ALDH3A1: variants seen among roughly 807,000 people sequenced by gnomAD.
The protein encoded by ALDH3A1 is aldehyde dehydrogenase, dimeric NADP-preferring.
A neutral mutation model predicts 49.9 loss-of-function variants in ALDH3A1; 46 were observed. That is an observed-to-expected ratio of 0.92 (90% CI 0.73 to 1.18). ALDH3A1 has a LOEUF of 1.18. Among genes scored for constraint, ALDH3A1 ranks in the 50% most tolerant of loss-of-function variants. The pLI is 0.00. For missense variants in ALDH3A1, 592 were observed against 611.8 expected, an observed-to-expected ratio of 0.97 and a Z score of 0.34; for synonymous variants, 269 against 253.3, an observed-to-expected ratio of 1.06 and a Z score of -0.59.
Position 19,740,430 on chromosome 17 carries a change from G to A in ALDH3A1, c.855C>T (p.Ile285=). Residue 285 remains isoleucine (I), a synonymous_variant, in exon 7 of 11, where the codon ATC becomes ATT. Coordinates refer to ENST00000225740, the MANE Select transcript of ALDH3A1 (RefSeq NM_000691.5). ...DAKKSRDYGR[I]ISARHFQRVM... is the part of the protein sequence containing the mutation. The stretch of plus-strand genomic sequence containing the variant: ...CCCTCTGGAAGTGCCGGGCACTAAT[G>A]ATTCTTCCATAGTCCCGGGATTTCT... 2 of 1,614,138 alleles carry A rather than the reference G, an allele frequency of 1.2e-6. No homozygotes were observed. The highest frequency in any genetic ancestry group is 1.7e-6 in the Non-Finnish European group (2 of 1,180,022).
At chr17:19,741,539 G>A (rs1297564560) in intron 5 of ALDH3A1, among the ~76,000 whole-genome samples, 2 of 152,208 alleles carry the variant, frequency 1.3e-5, no homozygotes, top group Non-Finnish European at 2.9e-5. Flanking sequence ...TGTGGGATAT[G>A]GAGGTGGTCA....
At chr17:19,741,417 T>C (rs1370126679) in intron 5 of ALDH3A1, 5 of 517,420 alleles carry the variant, frequency 9.7e-6, no homozygotes, top group African/African-American at 9.6e-5. Context: ...TGGTGGGGAA[T>C]TTCTAGAGGA....
Position 19,739,647 on chromosome 17 carries a change from G to C in ALDH3A1, c.977C>G (p.Pro326Arg). ...IAPTILTDVD[P>R]QSPVMQEEIF... Reference sequence around the variant, plus strand: ...CTCCTCTTGCATCACCGGGGACTGGGGGTCCACGTCCGTGAGGATGGTGGG... The same window carrying C: ...CTCCTCTTGCATCACCGGGGACTGGCGGTCCACGTCCGTGAGGATGGTGGG... The change falls in exon 8 of 11, where the codon CCC (proline) becomes CGC (arginine). Residue 326 changes from proline (P) to arginine (R), a missense_variant. By Grantham distance (103) the Pro-to-Arg change is moderately radical. Transcript: ENST00000225740. 6.2e-7 allele frequency: 1 copy of C among 1,613,876 alleles called. No individual in the cohort carries two copies. The highest frequency in any genetic ancestry group is 8.5e-7 in the Non-Finnish European group (1 of 1,179,926).
intron 1 of ALDH3A1, among the ~76,000 whole-genome samples, chr17:19,746,678 CAT>C (rs1402419850): frequency 7.2e-6 from 1 of 139,198 alleles, no homozygotes; most frequent in Non-Finnish European, 1.5e-5. Context: ...CGTGTGTGTG[CAT>C]GTGCGTGTGT....
chr17:19,744,334 C>T (rs1360373328), intron 2 of ALDH3A1: 2 of 842,594 alleles, frequency 2.4e-6, no homozygotes, highest in East Asian at 1.2e-4. Context: ...ACCCGGGAGG[C>T]GGAGGTTGCA....
intron 6 of ALDH3A1, 59 bp from the exon 7 acceptor site, chr17:19,740,536 C>G: frequency 1.9e-6 from 3 of 1,593,156 alleles, no homozygotes; most frequent in Non-Finnish European, 2.6e-6. Flanking sequence ...TGCCCAAAGG[C>G]TGCACAGACA....
At chr17:19,747,015 A>G (rs1387974821) in intron 1 of ALDH3A1, among the ~76,000 whole-genome samples, 1 of 152,132 alleles carries the variant, frequency 6.6e-6, no homozygotes, top group East Asian at 1.9e-4. Context: ...GCTGCCCCAC[A>G]GAGGGGCCAC....
In ALDH3A1 at chr17:19,739,233, C is replaced by G. The variant is rs535528669; in HGVS notation, c.1117-138G>C. On this transcript the variant is annotated intron_variant, in intron 8 of 10. Transcript: ENST00000225740. ...GCAGAGCCTTAGCCTCCATCTCCTG[C>G]TCTTCCTGCAGACCGCGTGGCTGTC... The G allele has an allele frequency of 3.0e-5, 25 of 844,780 alleles. No individual in the cohort carries two copies. In the African/African-American group the frequency reaches 3.5e-4, roughly 12 times the overall value. The allele number at this position is 844,780 out of a possible 1,614,324, so 52.3% of individuals were successfully genotyped here.
chr17:19,746,315 G>C (rs2086593868), intron 1 of ALDH3A1, among the ~76,000 whole-genome samples: 1 of 152,118 alleles, frequency 6.6e-6, no homozygotes, highest in Non-Finnish European at 1.5e-5. Context: ...CTTGAACCAA[G>C]CTGAGAGGAG....
chr17:19,744,903 C>CT (rs950286323), intron 2 of ALDH3A1, 65 bp downstream of exon 2: 2 of 630,674 alleles, frequency 3.2e-6, no homozygotes, highest in Non-Finnish European at 4.4e-6. Flanking sequence ...TCTCCCCAGC[C>CT]CCTCCCCCCA....
In ALDH3A1 at chr17:19,738,335, CG is replaced by C. The variant is rs778623472; in HGVS notation, c.1334del (p.Pro445ArgfsTer6). The C allele has an allele frequency of 3.1e-6, 5 of 1,613,024 alleles. No individual in the cohort carries two copies. Among genetic ancestry groups the C allele is most frequent in the African/African-American group, 1.3e-5 (1 of 74,918 alleles). On this transcript the variant is annotated frameshift_variant, in exon 10 of 11. Coordinates refer to ENST00000225740, the MANE Select transcript of ALDH3A1 (RefSeq NM_000691.5). LOFTEE classifies it high-confidence loss of function. ...TTCCCCCTCTCACCTTGGCCGGGCT[CG>C]GGGGGTATCTGACCTTCAGGCCTTC... ...NDEGLKVRYP[P>X]SPAKMTQH
chr17:19,739,297 T>C (rs1188952315), intron 8 of ALDH3A1, among the ~76,000 whole-genome samples: 1 of 152,214 alleles, frequency 6.6e-6, no homozygotes, highest in African/African-American at 2.4e-5. Context: ...GCCGCCCCCA[T>C]GCCTGTGTGC....
Position 19,743,256 on chromosome 17 carries a change from G to C in ALDH3A1, c.370C>G (p.Pro124Ala), listed in dbSNP as rs1207782528. 6.2e-7 allele frequency: 1 copy of C among 1,613,924 alleles called. No homozygotes were observed. Among genetic ancestry groups the C allele is most frequent in the African/African-American group, 1.3e-5 (1 of 75,054 alleles). Residue 124 changes from proline to alanine, a missense_variant, in exon 3 of 11, where the codon CCC becomes GCC. Transcript: ENST00000225740. This position sits in a 1 kb window ranked among gnomAD's most constrained non-coding sequence, Gnocchi z 4.4. The part of the protein sequence containing the change: ...WNYPFNLTIQ[P>A]MVGAIAAGNS... ...CCTGCAGCGATGGCGCCCACCATGG[G>C]CTGGATGGTGAGGTTGAAGGGGTAG...
intron 1 of ALDH3A1, among the ~76,000 whole-genome samples, chr17:19,746,638 C>T (rs199785442): frequency 1.7e-4 from 22 of 132,568 alleles, no homozygotes; most frequent in Admixed American, 4.3e-4. Flanking sequence ...TGTGTGTGTG[C>T]GTGTGCGTGT....
intron 1 of ALDH3A1, among the ~76,000 whole-genome samples, chr17:19,747,024 A>C (rs1351420814): frequency 6.6e-6 from 1 of 152,124 alleles, no homozygotes; most frequent in Non-Finnish European, 1.5e-5. Flanking sequence ...CAGAGGGGCC[A>C]CTGTTACCAG....
chr17:19,738,887 T>C (rs2086436669), intron 9 of ALDH3A1, 109 bp downstream of exon 9: 1 of 931,106 alleles, frequency 1.1e-6, no homozygotes, highest in Non-Finnish European at 1.6e-6. Flanking sequence ...AAGAGGCTAA[T>C]GGGAGGCTGC....
Position 19,738,356 on chromosome 17 carries a change from G to T in ALDH3A1, c.1314C>A (p.Gly438=). The part of the protein sequence containing the change: ...CLVRPLMNDE[G]LKVRYPPSPA... Reference sequence around the variant, plus strand: ...GGCTCGGGGGGTATCTGACCTTCAGGCCTTCATCATTCATCAGAGGCCTCA... The same window carrying T: ...GGCTCGGGGGGTATCTGACCTTCAGTCCTTCATCATTCATCAGAGGCCTCA... The change falls in exon 10 of 11, where the codon GGC becomes GGA. Residue 438 remains glycine, a synonymous_variant. Transcript: ENST00000225740. 6.2e-7 allele frequency: 1 copy of T among 1,613,834 alleles called. No homozygotes were observed. The highest frequency in any genetic ancestry group is 1.1e-5 in the South Asian group (1 of 91,078).
At chr17:19,746,543 A>AAAAGAAAG (rs147101721) in intron 1 of ALDH3A1, among the ~76,000 whole-genome samples, 1 of 152,022 alleles carries the variant, frequency 6.6e-6, no homozygotes, top group African/African-American at 2.4e-5. Context: ...TAAAAAAAGA[A>AAAAGAAAG]AAAGAAAGAA....
At position 19,738,107 on chromosome 17, in the gene ALDH3A1, G is replaced by A; in HGVS notation, c.*114C>T. On this transcript the variant is annotated 3_prime_UTR_variant, in exon 11 of 11. Transcript: ENST00000225740. ...CACAGGTCAGCAGGTCAGCAGAGGAGTGGGGCTGGGCTGGGGCTGCAGGAG... is the reference window on the plus strand; with the variant it reads ...CACAGGTCAGCAGGTCAGCAGAGGAATGGGGCTGGGCTGGGGCTGCAGGAG... 6.3e-7 allele frequency: 1 copy of A among 1,597,678 alleles called. No individual in the cohort carries two copies. Among genetic ancestry groups the A allele is most frequent in the African/African-American group, 1.3e-5 (1 of 74,892 alleles).
Sources: gnomAD v4.1 joint callset for allele counts (sites outside exome capture counted in the v4.1 genomes callset) on GRCh38, gnomAD v4.1.1 for gene constraint, Gnocchi (gnomAD v3.1) non-coding constraint, MANE v1.5 for transcripts, NCBI Gene and HGNC (gene_info 2026-07-23, HGNC 2026-07-21) for gene names.